The following DNAI1 variants were observed in gnomAD, a reference collection of about 807,000 sequenced individuals.
The protein encoded by DNAI1 is dynein axonemal intermediate chain 1.
Under a neutral mutation model 92.0 loss-of-function variants are expected in DNAI1, and 67 were observed. The ratio of observed to expected loss-of-function variants is 0.73; its 90% CI spans 0.60 to 0.89. The LOEUF is 0.89. Ranked by LOEUF, DNAI1 falls within the 40% of genes least tolerant of loss-of-function variation. The probability of loss-of-function intolerance (pLI) is 0.00; values close to 1 mark genes in which losing one functional copy is unlikely to be tolerated. For synonymous variants in DNAI1, 323 were observed against 319.6 expected (o/e 1.01, Z -0.11); for missense variants, 839 against 866.6 (o/e 0.97, Z 0.40).
In DNAI1 at chr9:34,506,794, T is replaced by A; in HGVS notation, c.1231T>A (p.Tyr411Asn). The change falls in exon 13 of 20, where the codon TAC (tyrosine) becomes AAC (asparagine). Residue 411 changes from tyrosine (Y) to asparagine (N), a missense_variant. Transcript: ENST00000242317. ...VGHYDGNVAI[Y>N]NLKKPHSQPS... ...CCACTATGACGGCAACGTGGCCATTTACAACCTCAAGAAGCCCCACTCCCA... is the reference window on the plus strand; with the variant it reads ...CCACTATGACGGCAACGTGGCCATTAACAACCTCAAGAAGCCCCACTCCCA... The A allele has an allele frequency of 1.2e-6, 2 of 1,614,170 alleles. No homozygotes were observed. The highest frequency in any genetic ancestry group is 8.5e-7 in the Non-Finnish European group (1 of 1,180,034).
intron 12 of DNAI1, among the ~76,000 whole-genome samples, 185 bp from the exon 13 acceptor site, chr9:34,506,442 G>T (rs1824931565): frequency 6.6e-6 from 1 of 152,202 alleles, no homozygotes; most frequent in African/African-American, 2.4e-5. Context: ...TCTCTGAGAA[G>T]GGAAAGGTCA....
At chr9:34,516,005 G>C (rs1223752729) in intron 18 of DNAI1, among the ~76,000 whole-genome samples, 6 of 152,114 alleles carry the variant, frequency 3.9e-5, no homozygotes, top group African/African-American at 1.4e-4. Flanking sequence ...AAAAGAAAAA[G>C]AAAAAATAAA....
chr9:34,462,832 A>C (rs1366935221), intron 1 of DNAI1, among the ~76,000 whole-genome samples: 1 of 152,256 alleles, frequency 6.6e-6, no homozygotes, highest in Non-Finnish European at 1.5e-5. Flanking sequence ...ATATTCATGC[A>C]GTAATTATTT....
In DNAI1 at chr9:34,483,341, A is replaced by C. The variant is rs367733540; in HGVS notation, c.49-107A>C. 167 of 1,128,916 alleles carry C rather than the reference A, an allele frequency of 1.5e-4. No individual in the cohort carries two copies. The African/African-American group carries it at 2.4e-3, about 17-fold the overall frequency. The allele number at this position is 1,128,916 out of a possible 1,614,324, so 69.9% of individuals were successfully genotyped here. On this transcript the variant is annotated intron_variant, in intron 1 of 19. Transcript: ENST00000242317. ...GACTGCCAGCACGCTGTCACCTCTC[A>C]CTTTGACTGTGAGATCCCTGGGCAG... is the stretch of plus-strand genomic sequence containing the variant.
rs144066349 is a variant in DNAI1, at chr9:34,517,486, T to C, written c.2001+19T>C. On this transcript the variant is annotated intron_variant, in intron 19 of 19. Transcript: ENST00000242317. The stretch of plus-strand genomic sequence containing the variant: ...GCCAAAGGTACAGGCTCTGGGACTT[T>C]GAGCTGCTGCAAGACGTAAAGTCTC... The C allele has an allele frequency of 1.2e-6, 2 of 1,614,102 alleles. No individual in the cohort carries two copies. Among genetic ancestry groups the C allele is most frequent in the South Asian group, 2.2e-5 (2 of 91,080 alleles).
intron 15 of DNAI1, 50 bp from the exon 16 acceptor site, chr9:34,513,062 A>G: frequency 6.9e-7 from 1 of 1,444,966 alleles, no homozygotes; most frequent in Admixed American, 1.7e-5. Context: ...AGGCACTGGG[A>G]GCCTCCCTCT....
At chr9:34,499,328 G>A (rs1022492974) in intron 10 of DNAI1, among the ~76,000 whole-genome samples, 2 of 152,244 alleles carry the variant, frequency 1.3e-5, no homozygotes, top group African/African-American at 2.4e-5. Flanking sequence ...GCCTGGGCAT[G>A]TTCTTGGCTT....
At chr9:34,480,475 GCCA>G (rs1824331110) in intron 1 of DNAI1, among the ~76,000 whole-genome samples, 2 of 151,506 alleles carry the variant, frequency 1.3e-5, no homozygotes, top group Non-Finnish European at 2.9e-5. Context: ...ACAGGGTTTC[GCCA>G]TGTTGACCAG....
At chr9:34,459,825 G>T (rs1823911683) in intron 1 of DNAI1, among the ~76,000 whole-genome samples, 1 of 152,246 alleles carries the variant, frequency 6.6e-6, no homozygotes, top group Non-Finnish European at 1.5e-5. Flanking sequence ...CTGTTTGGGA[G>T]CCCACAGAGG....
chr9:34,464,818 G>A (rs1824008046), intron 1 of DNAI1, among the ~76,000 whole-genome samples: 1 of 152,058 alleles, frequency 6.6e-6, no homozygotes, highest in African/African-American at 2.4e-5. Flanking sequence ...GTAGCACAGG[G>A]TTCTATGGAA....
rs543428099 is a variant in DNAI1, at chr9:34,477,218, T to C, written c.49-6230T>C. Among the ~76,000 whole-genome samples, 15 of 152,204 alleles carry C rather than the reference T, an allele frequency of 9.9e-5. No individual in the cohort carries two copies. The South Asian group carries it at 3.1e-3, about 32-fold the overall frequency. ...TTTTTATGTGGAGATGGGGTGTGGC[T>C]TCGTTGCCCAGGCTGGTCTTGAACT... On this transcript the variant is annotated intron_variant, in intron 1 of 19. Coordinates refer to ENST00000242317, the MANE Select transcript of DNAI1 (RefSeq NM_012144.4).
chr9:34,480,272 CTTTTTTT>C (rs202115133), intron 1 of DNAI1, among the ~76,000 whole-genome samples: 5 of 99,434 alleles, frequency 5.0e-5, no homozygotes, highest in Non-Finnish European at 8.1e-5. Flanking sequence ...TTTGGTGGAA[CTTTTTTT>C]TTTTTTTTTT....
intron 9 of DNAI1, among the ~76,000 whole-genome samples, chr9:34,493,723 T>TC (rs1242986173): frequency 6.6e-6 from 1 of 152,224 alleles, no homozygotes; most frequent in African/African-American, 2.4e-5. Context: ...AGATGTTTTT[T>TC]CACTTTCAGT....
rs773243879 is a variant in DNAI1, at chr9:34,500,739, G to A, written c.919G>A (p.Asp307Asn). Residue 307 changes from aspartate to asparagine, a missense_variant, in exon 11 of 20, where the codon GAT becomes AAT. Asp to Asn is a conservative substitution (Grantham distance 23). Coordinates refer to ENST00000242317, the MANE Select transcript of DNAI1 (RefSeq NM_012144.4). Reference sequence around the variant, plus strand: ...TGTTTAAGATTTTAAGTACTATGACGATGCTGCTGATGAATACCGGGACCA... The same window carrying A: ...TGTTTAAGATTTTAAGTACTATGACAATGCTGCTGATGAATACCGGGACCA... The part of the protein sequence containing the change: ...DIAQDFKYYD[D>N]AADEYRDQVG... The A allele has an allele frequency of 5.6e-5, 90 of 1,613,676 alleles. No individual in the cohort carries two copies. Among genetic ancestry groups the A allele is most frequent in the Non-Finnish European group, 7.5e-5 (88 of 1,179,830 alleles).
chr9:34,474,567 CTTTTTT>C (rs55701117), intron 1 of DNAI1, among the ~76,000 whole-genome samples: 5 of 107,854 alleles, frequency 4.6e-5, no homozygotes, highest in South Asian at 2.9e-4. Flanking sequence ...TTTTTTTTTC[CTTTTTT>C]TTTTTTTTTT....
At chr9:34,508,442 A>G (rs1824985884) in intron 13 of DNAI1, among the ~76,000 whole-genome samples, 1 of 152,192 alleles carries the variant, frequency 6.6e-6, no homozygotes, top group South Asian at 2.1e-4. Flanking sequence ...AGTTTTCTCC[A>G]CCAAAAAGTC....
chr9:34,479,339 A>G (rs1824295916), intron 1 of DNAI1, among the ~76,000 whole-genome samples: 1 of 152,168 alleles, frequency 6.6e-6, no homozygotes, highest in African/African-American at 2.4e-5. Flanking sequence ...TGTCTGTCTC[A>G]GGCTTCTCAT....
intron 1 of DNAI1, among the ~76,000 whole-genome samples, chr9:34,464,613 G>A (rs191621180): frequency 5.3e-5 from 8 of 151,904 alleles, no homozygotes; most frequent in Admixed American, 3.9e-4. Flanking sequence ...CATGCATCAC[G>A]GTTTGTAATT....
At chr9:34,504,032 G>A (rs1481291097) in intron 12 of DNAI1, among the ~76,000 whole-genome samples, 1 of 152,208 alleles carries the variant, frequency 6.6e-6, no homozygotes, top group Non-Finnish European at 1.5e-5. Context: ...TTCCAGGCAT[G>A]GATGGTGGAA....
Sources: allele counts gnomAD v4.1 joint callset (sites outside exome capture counted in the v4.1 genomes callset), GRCh38; gene constraint gnomAD v4.1.1; transcripts MANE v1.5; gene names NCBI Gene and HGNC (gene_info 2026-07-23, HGNC 2026-07-21).